The following CRB1 variants were observed in gnomAD, a reference collection of about 807,000 sequenced individuals.
CRB1 encodes the protein crumbs cell polarity complex component 1.
Under a neutral mutation model 120.0 loss-of-function variants are expected in CRB1, and 83 were observed. That is an observed-to-expected ratio of 0.69 (90% CI 0.58 to 0.83). CRB1 has a LOEUF of 0.83. CRB1 is among the 40% of genes least tolerant of loss of function. CRB1 has a pLI of 0.00. For synonymous variants in CRB1, 625 were observed against 612.5 expected, an observed-to-expected ratio of 1.02 and a Z score of -0.30; for missense variants, 1,699 against 1,687.6, an observed-to-expected ratio of 1.01 and a Z score of -0.12.
chr1:197,227,581 GT>G, the CRB1 span, among the ~76,000 whole-genome samples: 1 of 152,060 alleles, frequency 6.6e-6, no homozygotes, highest in Non-Finnish European at 1.5e-5. Context: ...GTTTTGCAGG[GT>G]ATAGCCCCCC....
At chr1:197,213,306 A>G in the CRB1 span, among the ~76,000 whole-genome samples, 1 of 152,190 alleles carries the variant, frequency 6.6e-6, no homozygotes, top group Non-Finnish European at 1.5e-5. Context: ...GTCTGTGTGT[A>G]AGGAATTGTG....
In CRB1 at chr1:197,295,242, T is replaced by G. The variant is rs76165936; in HGVS notation, c.70+26760T>G. On this transcript the variant is annotated intron_variant, in intron 1 of 11. Transcript: ENST00000367400. ...AATGTTGTCATGTTGCCTTCTAGCT[T>G]GTAGCTGGCCCAAGGCCTGAGTGAG... is the stretch of plus-strand genomic sequence containing the variant. Among the ~76,000 whole-genome samples, 1,175 of 152,130 alleles carry G rather than the reference T, an allele frequency of 7.7e-3. 10 individuals carry two copies. Among genetic ancestry groups the G allele is most frequent in the Middle Eastern group, 0.017 (5 of 294 alleles).
At chr1:197,299,529 T>C (rs768234595) in intron 1 of CRB1, among the ~76,000 whole-genome samples, 3 of 151,920 alleles carry the variant, frequency 2.0e-5, no homozygotes, top group Non-Finnish European at 4.4e-5. Context: ...AAATCTTCAA[T>C]GTGTATGTGC....
chr1:197,453,863 TA>T lies in CRB1; in HGVS notation c.4005+11573del, dbSNP rs1413896280. On this transcript the variant is annotated intron_variant, in intron 11 of 11. Transcript: ENST00000367400. ...TATCAATATTATTATTAATATATATTAATATTATTAATAATATATATTATTA... is the reference window on the plus strand; with the variant it reads ...TATCAATATTATTATTAATATATATTATATTATTAATAATATATATTATTA... Among the ~76,000 whole-genome samples the T allele has an allele frequency of 2.7e-4, 37 of 139,046 alleles. No individual in the cohort carries two copies. The East Asian group carries it at 7.1e-3, about 27-fold the overall frequency. The allele number at this position is 139,046 out of a possible 152,430, so 91.2% of individuals were successfully genotyped here. A position where few individuals can be genotyped will look rare whatever the true frequency, so the allele number is the denominator to read the frequency against.
chr1:197,419,081 T>C (rs1234061959), intron 5 of CRB1, among the ~76,000 whole-genome samples: 1 of 152,230 alleles, frequency 6.6e-6, no homozygotes, highest in African/African-American at 2.4e-5. Context: ...ATGTCTTAAC[T>C]GGTTTAATCT....
At chr1:197,211,928 A>T in the CRB1 span, among the ~76,000 whole-genome samples, 960 of 152,282 alleles carry the variant, frequency 6.3e-3, 14 homozygotes, top group African/African-American at 0.022. Flanking sequence ...AGAACTCTTA[A>T]CTAATCAATG....
chr1:197,459,300 G>A (rs920017954), intron 11 of CRB1, among the ~76,000 whole-genome samples: 1 of 152,108 alleles, frequency 6.6e-6, no homozygotes, highest in Non-Finnish European at 1.5e-5. Context: ...TTTTGATTAT[G>A]TATGGCTACA....
intron 5 of CRB1, among the ~76,000 whole-genome samples, chr1:197,363,173 G>T (rs1660869052): frequency 6.7e-6 from 1 of 148,672 alleles, no homozygotes; most frequent in Non-Finnish European, 1.5e-5. Flanking sequence ...AAATATCCTT[G>T]TTTTGAGGAT....
At chr1:197,384,965 G>A (rs77538643) in intron 5 of CRB1, among the ~76,000 whole-genome samples, 107 of 152,234 alleles carry the variant, frequency 7.0e-4, no homozygotes, top group Non-Finnish European at 1.4e-3. Flanking sequence ...TTAATAAAAC[G>A]AGACTTGCTC....
At chr1:197,444,967 G>T (rs1923759) in intron 11 of CRB1, 7 of 151,422 alleles carry the variant, frequency 4.6e-5, no homozygotes, top group African/African-American at 1.7e-4. Flanking sequence ...TTCCTGAATC[G>T]TGATCTCTTT....
intron 5 of CRB1, among the ~76,000 whole-genome samples, chr1:197,382,217 TG>T (rs1661992707): frequency 6.6e-6 from 1 of 152,158 alleles, no homozygotes; most frequent in South Asian, 2.1e-4. Flanking sequence ...ATGGGATAAA[TG>T]AGTTAATATA....
chr1:197,204,523 A>T, the CRB1 span, among the ~76,000 whole-genome samples: 1 of 152,004 alleles, frequency 6.6e-6, no homozygotes, highest in Non-Finnish European at 1.5e-5. Context: ...TATTTCCCTG[A>T]TCATTAGTGA....
At chr1:197,282,293 C>T (rs1263468373) in intron 1 of CRB1, among the ~76,000 whole-genome samples, 2 of 151,664 alleles carry the variant, frequency 1.3e-5, no homozygotes, top group Non-Finnish European at 2.9e-5. Context: ...CAAGTCCATC[C>T]TCTGGACTAC....
At chr1:197,309,010 A>T (rs576349974) in intron 1 of CRB1, among the ~76,000 whole-genome samples, 2 of 151,566 alleles carry the variant, frequency 1.3e-5, no homozygotes, top group African/African-American at 2.4e-5. Flanking sequence ...ATAAATATAC[A>T]GTATATATGT....
At chr1:197,257,386 T>C in the CRB1 span, among the ~76,000 whole-genome samples, 1 of 152,150 alleles carries the variant, frequency 6.6e-6, no homozygotes, top group East Asian at 1.9e-4. Flanking sequence ...CCAGAAATAA[T>C]GTTTTACAAG....
chr1:197,359,781 A>G (rs1454371911), intron 5 of CRB1, among the ~76,000 whole-genome samples: 4 of 152,052 alleles, frequency 2.6e-5, no homozygotes, highest in Admixed American at 1.3e-4. Context: ...TGTTTTTTTT[A>G]ATAGTCATGT....
the CRB1 span, among the ~76,000 whole-genome samples, chr1:197,260,631 A>G: frequency 3.3e-5 from 5 of 152,072 alleles, no homozygotes; most frequent in South Asian, 2.1e-4. Context: ...GAGAAGGAAC[A>G]TTTTCAACAT....
At chr1:197,211,466 C>G in the CRB1 span, among the ~76,000 whole-genome samples, 1 of 152,180 alleles carries the variant, frequency 6.6e-6, no homozygotes. Flanking sequence ...CATTCAGTGT[C>G]TGGTAAGGGC....
chr1:197,428,578 A>G (rs1664714927), intron 7 of CRB1, among the ~76,000 whole-genome samples: 1 of 152,226 alleles, frequency 6.6e-6, no homozygotes, highest in African/African-American at 2.4e-5. Flanking sequence ...AAGGAAAAAA[A>G]GGAAACGCAT....
Sources: gnomAD v4.1 joint callset for allele counts (sites outside exome capture counted in the v4.1 genomes callset) on GRCh38, gnomAD v4.1.1 for gene constraint, MANE v1.5 for transcripts, NCBI Gene and HGNC (gene_info 2026-07-23, HGNC 2026-07-21) for gene names.